The following SLC1A1 variants were observed in gnomAD, a reference collection of about 807,000 sequenced individuals.
SLC1A1 encodes the protein excitatory amino acid transporter 3.
In SLC1A1, 43 loss-of-function variants were observed where a neutral mutation model predicts 53.3. The ratio of observed to expected loss-of-function variants is 0.81; its 90% CI spans 0.63 to 1.04. The LOEUF (loss-of-function observed/expected upper bound fraction) is 1.04, where lower values mean the gene tolerates loss of function less well. Among genes scored for constraint, SLC1A1 ranks in the 50% least tolerant of loss-of-function variants. SLC1A1 has a pLI of 0.00. For synonymous variants in SLC1A1, 307 were observed against 243.2 expected (o/e 1.26, Z -2.44); for missense variants, 748 against 664.9 (o/e 1.12, Z -1.37).
intron 1 of SLC1A1, 85 bp from the exon 2 acceptor site, chr9:4,544,482 A>T (rs1564022374): frequency 3.4e-6 from 4 of 1,176,900 alleles, no homozygotes; most frequent in Non-Finnish European, 5.1e-6. Context: ...TAAAATGTGC[A>T]TTTGGGAGTA....
chr9:4,498,541 C>CA (rs34610062), intron 1 of SLC1A1, among the ~76,000 whole-genome samples: 69,777 of 151,204 alleles, frequency 0.46, 18,007 homozygotes, highest in South Asian at 0.59. Context: ...ATAGGGAAAA[C>CA]AAAAAAAAGC....
Position 4,566,086 on chromosome 9 carries a change from G to C in SLC1A1, c.480G>C (p.Gln160His). The change falls in exon 5 of 12, where the codon CAG becomes CAC. Residue 160 changes from glutamine to histidine, a missense_variant. Coordinates refer to ENST00000262352, the MANE Select transcript of SLC1A1 (RefSeq NM_004170.6). Reference protein sequence around the residue: ...FPENLVQACFQQYKTKREEVK... With the variant: ...FPENLVQACFHQYKTKREEVK... Reference sequence around the variant, plus strand: ...AGAATCTTGTCCAGGCCTGTTTTCAGCAGGTAATATTAATTACTTGTGCCC... The same window carrying C: ...AGAATCTTGTCCAGGCCTGTTTTCACCAGGTAATATTAATTACTTGTGCCC... 6.2e-7 allele frequency: 1 copy of C among 1,612,106 alleles called. No homozygotes were observed. The highest frequency in any genetic ancestry group is 8.5e-7 in the Non-Finnish European group (1 of 1,178,274).
intron 1 of SLC1A1, among the ~76,000 whole-genome samples, chr9:4,524,775 T>C (rs1816201950): frequency 6.6e-6 from 1 of 152,182 alleles, no homozygotes; most frequent in Admixed American, 6.5e-5. Flanking sequence ...GAAGCAGATC[T>C]GTACAAAGAG....
At chr9:4,516,054 C>T (rs1270150425) in intron 1 of SLC1A1, among the ~76,000 whole-genome samples, 6 of 152,316 alleles carry the variant, frequency 3.9e-5, no homozygotes, top group South Asian at 2.1e-4. Flanking sequence ...GTTCCAGATC[C>T]TGTTAGAGAG....
At chr9:4,552,951 G>C (rs1309049346) in intron 2 of SLC1A1, among the ~76,000 whole-genome samples, 1 of 151,848 alleles carries the variant, frequency 6.6e-6, no homozygotes, top group Non-Finnish European at 1.5e-5. Flanking sequence ...ATTCATTCTG[G>C]AAATGAGAAC....
chr9:4,540,481 C>T (rs143630659), intron 1 of SLC1A1, among the ~76,000 whole-genome samples: 2 of 152,252 alleles, frequency 1.3e-5, no homozygotes, highest in African/African-American at 2.4e-5. Context: ...TTAAGCCGTC[C>T]GTGGATGGCA....
intron 1 of SLC1A1, among the ~76,000 whole-genome samples, chr9:4,512,979 A>G (rs1821046890): frequency 6.6e-6 from 1 of 152,162 alleles, no homozygotes; most frequent in Non-Finnish European, 1.5e-5. Flanking sequence ...AGAGCAAAGG[A>G]TAGTCTTTCC....
At chr9:4,491,129 C>T (rs142351650) in intron 1 of SLC1A1, among the ~76,000 whole-genome samples, 1 of 152,220 alleles carries the variant, frequency 6.6e-6, no homozygotes, top group East Asian at 1.9e-4. Context: ...CGTATCTCCC[C>T]CTATCACCGC....
chr9:4,568,091 C>T (rs916110426), intron 6 of SLC1A1, among the ~76,000 whole-genome samples: 5 of 152,030 alleles, frequency 3.3e-5, no homozygotes, highest in African/African-American at 1.2e-4. Flanking sequence ...ATATTTTTTG[C>T]ATTTTTGTGA....
chr9:4,566,340 A>G (rs190985700), intron 5 of SLC1A1, among the ~76,000 whole-genome samples: 108 of 152,332 alleles, frequency 7.1e-4, no homozygotes, highest in African/African-American at 2.5e-3. Flanking sequence ...AAAGGCTCAA[A>G]TGGTACAAAT....
intron 1 of SLC1A1, among the ~76,000 whole-genome samples, chr9:4,523,571 T>C (rs923257732): frequency 6.6e-6 from 1 of 152,220 alleles, no homozygotes; most frequent in African/African-American, 2.4e-5. Context: ...ATACCAAAAA[T>C]ATTTAACATT....
rs1485338420 is a variant in SLC1A1, at chr9:4,586,620, T to C, written c.*1062T>C. ...GGCTTTATTCTTCCAAGTTCATTCA[T>C]ACTCAAAGAGGCCAGTACTTTGCCA... On this transcript the variant is annotated 3_prime_UTR_variant, in exon 12 of 12. Transcript: ENST00000262352. The C allele has an allele frequency of 6.6e-6, 1 of 152,206 alleles. No individual in the cohort carries two copies. Among genetic ancestry groups the C allele is most frequent in the Non-Finnish European group, 1.5e-5 (1 of 68,022 alleles). The allele number at this position is 152,206 out of a possible 1,614,324, so 9.4% of individuals were successfully genotyped here. A position where few individuals can be genotyped will look rare whatever the true frequency, so the allele number is the denominator to read the frequency against.
chr9:4,520,514 G>A (rs1008700623), intron 1 of SLC1A1, among the ~76,000 whole-genome samples: 2 of 152,108 alleles, frequency 1.3e-5, no homozygotes, highest in Non-Finnish European at 2.9e-5. Flanking sequence ...TATAATACAT[G>A]GACTTTTGTG....
At chr9:4,517,670 T>C (rs867394997) in intron 1 of SLC1A1, among the ~76,000 whole-genome samples, 15 of 152,314 alleles carry the variant, frequency 9.8e-5, no homozygotes, top group Non-Finnish European at 1.8e-4. Flanking sequence ...AATTTAACAA[T>C]TGTTTTTAGC....
chr9:4,540,620 G>C (rs1347678621), intron 1 of SLC1A1, among the ~76,000 whole-genome samples: 1 of 152,142 alleles, frequency 6.6e-6, no homozygotes, highest in Non-Finnish European at 1.5e-5. Context: ...ACTCACCCTG[G>C]CTCCTGTACC....
chr9:4,557,813 G>C (rs10815021), intron 2 of SLC1A1, among the ~76,000 whole-genome samples: 40,713 of 151,870 alleles, frequency 0.27, 5,912 homozygotes, highest in East Asian at 0.46. Context: ...GTAGCACATG[G>C]ATAGAGCCAA....
chr9:4,533,477 A>G (rs1158864393), intron 1 of SLC1A1, among the ~76,000 whole-genome samples: 4 of 152,188 alleles, frequency 2.6e-5, no homozygotes, highest in African/African-American at 9.6e-5. Flanking sequence ...AGGCCATTAC[A>G]TAATGGTAAA....
intron 2 of SLC1A1, among the ~76,000 whole-genome samples, chr9:4,561,032 C>T (rs1413082450): frequency 1.3e-5 from 2 of 152,032 alleles, no homozygotes; most frequent in Admixed American, 1.3e-4. Context: ...CAACAACAAA[C>T]GATCTCAGTT....
intron 1 of SLC1A1, among the ~76,000 whole-genome samples, chr9:4,500,696 A>G (rs998031846): frequency 6.6e-6 from 1 of 152,230 alleles, no homozygotes. Flanking sequence ...TGTTGTAATT[A>G]GTACAGCCCA....
Sources: gnomAD v4.1 joint callset for allele counts (sites outside exome capture counted in the v4.1 genomes callset) on GRCh38, gnomAD v4.1.1 for gene constraint, MANE v1.5 for transcripts, NCBI Gene and HGNC (gene_info 2026-07-23, HGNC 2026-07-21) for gene names.